The following ZNF221 variants were observed in gnomAD, a reference collection of about 807,000 sequenced individuals.
The protein encoded by ZNF221 is zinc finger protein 221.
Under a neutral mutation model 12.6 loss-of-function variants are expected in ZNF221, and 10 were observed. That is an observed-to-expected ratio of 0.79 (90% CI 0.49 to 1.34). ZNF221 has a LOEUF of 1.34. Among genes scored for constraint, ZNF221 ranks in the 40% most tolerant of loss-of-function variants. The pLI is 0.00. For synonymous variants in ZNF221, 232 were observed against 244.0 expected (o/e 0.95, Z 0.46); for missense variants, 661 against 721.4 (o/e 0.92, Z 0.96).
In ZNF221 at chr19:43,951,360, C is replaced by T. The variant is rs573664518; in HGVS notation, c.-43C>T. 3 of 152,354 alleles carry T rather than the reference C, an allele frequency of 2.0e-5. No homozygotes were observed. Among genetic ancestry groups the T allele is most frequent in the African/African-American group, 7.2e-5 (3 of 41,518 alleles). The allele number at this position is 152,354 out of a possible 1,614,324, so 9.4% of individuals were successfully genotyped here. A position where few individuals can be genotyped will look rare whatever the true frequency, so the allele number is the denominator to read the frequency against. The stretch of plus-strand genomic sequence containing the variant: ...ACTCTCGGAACCCTCAACGAGCTAG[C>T]GATAGATTTAGAGGAAAGGAAGCAC... On this transcript the variant is annotated 5_prime_UTR_variant, in exon 1 of 5. Transcript: ENST00000587682.
chr19:43,964,542 G>A (rs1378407417), intron 2 of ZNF221, among the ~76,000 whole-genome samples: 1 of 152,200 alleles, frequency 6.6e-6, no homozygotes, highest in Non-Finnish European at 1.5e-5. Context: ...GTTTGAGTAT[G>A]AAAGGAAGAC....
At chr19:43,965,367 CATCT>C in intron 4 of ZNF221, 42 bp downstream of exon 4, 2 of 1,540,092 alleles carry the variant, frequency 1.3e-6, no homozygotes, top group Non-Finnish European at 1.8e-6. Context: ...ATGACTCTTC[CATCT>C]GTTTTACTTC....
intron 2 of ZNF221, 86 bp from the exon 3 acceptor site, chr19:43,964,864 A>G: frequency 6.4e-7 from 1 of 1,565,934 alleles, no homozygotes; most frequent in Non-Finnish European, 8.8e-7. Flanking sequence ...AACTTACCAC[A>G]CCTGTCCCCT....
intron 1 of ZNF221, 132 bp downstream of exon 1, chr19:43,951,532 C>G (rs1974669980): frequency 6.6e-6 from 1 of 152,308 alleles, no homozygotes; most frequent in Non-Finnish European, 1.5e-5. Flanking sequence ...GGGCTCTCAG[C>G]TCGCCCAATC....
At position 43,959,464 on chromosome 19, in the gene ZNF221, C is replaced by CA. The variant is rs1331504422; in HGVS notation, c.-2-3260dup. On this transcript the variant is annotated intron_variant, in intron 1 of 4. Transcript: ENST00000587682. The stretch of plus-strand genomic sequence containing the variant: ...TGGATGTTTGGTCCCTCCATATCTC[C>CA]AGTGTTGGAGGTGGGGCCTAGTGGG... Among the ~76,000 whole-genome samples the CA allele has an allele frequency of 2.0e-5, 3 of 152,200 alleles. No homozygotes were observed. In the East Asian group the frequency reaches 5.8e-4, roughly 29 times the overall value.
rs1974972249 is a variant in ZNF221 at position 43,966,771 on chromosome 19, A to G, written c.1269A>G (p.Lys423=). The G allele has an allele frequency of 6.2e-7, 1 of 1,614,054 alleles. No individual in the cohort carries two copies. Among genetic ancestry groups the G allele is most frequent in the Non-Finnish European group, 8.5e-7 (1 of 1,180,030 alleles). Residue 423 remains lysine, a synonymous_variant, in exon 5 of 5, where the codon AAA becomes AAG. Transcript: ENST00000587682. The stretch of plus-strand genomic sequence containing the variant: ...TCCACAGTGGACAAAAATCCTTCAA[A>G]TGTGAAGAATGTGGGAAGGGATTTT... ...QQVHSGQKSF[K]CEECGKGFYT...
At chr19:43,962,841 TC>T in intron 2 of ZNF221, 34 bp downstream of exon 2, 5 of 1,579,520 alleles carry the variant, frequency 3.2e-6, no homozygotes, top group Non-Finnish European at 4.3e-6. Context: ...CTGTTAAAAT[TC>T]CATCTTACTA....
chr19:43,963,726 G>A (rs1342199394), intron 2 of ZNF221, among the ~76,000 whole-genome samples: 1 of 152,188 alleles, frequency 6.6e-6, no homozygotes, highest in Non-Finnish European at 1.5e-5. Context: ...AATCTGCTCA[G>A]ATTCACATAG....
At chr19:43,981,125 G>GT in the ZNF221 span, among the ~76,000 whole-genome samples, 1 of 151,742 alleles carries the variant, frequency 6.6e-6, no homozygotes. Flanking sequence ...ATAAAAATGG[G>GT]TAATAGATTT....
At chr19:43,973,351 A>AT in the ZNF221 span, among the ~76,000 whole-genome samples, 1 of 152,112 alleles carries the variant, frequency 6.6e-6, no homozygotes, top group South Asian at 2.1e-4. Context: ...GACAAGGACC[A>AT]GCCCCCCGCC....
chr19:43,979,759 C>T, the ZNF221 span, among the ~76,000 whole-genome samples: 1 of 152,034 alleles, frequency 6.6e-6, no homozygotes, highest in Non-Finnish European at 1.5e-5. Context: ...CAACGCTGAC[C>T]AAAAGATATT....
chr19:43,957,470 G>T (rs558067695), intron 1 of ZNF221, among the ~76,000 whole-genome samples: 1 of 152,138 alleles, frequency 6.6e-6, no homozygotes, highest in Admixed American at 6.5e-5. Flanking sequence ...ACCATAACCC[G>T]CCTGGAGAAA....
At chr19:43,975,879 T>A in the ZNF221 span, among the ~76,000 whole-genome samples, 2 of 152,170 alleles carry the variant, frequency 1.3e-5, no homozygotes, top group Non-Finnish European at 2.9e-5. Context: ...AGTCGGATTC[T>A]TATTATTTGG....
the ZNF221 span, among the ~76,000 whole-genome samples, chr19:43,981,472 G>A: frequency 1.1e-4 from 16 of 152,116 alleles, no homozygotes; most frequent in African/African-American, 3.6e-4. Flanking sequence ...ATATACAAAT[G>A]TACAAGTGTA....
At chr19:43,958,629 A>T (rs534079590) in intron 1 of ZNF221, among the ~76,000 whole-genome samples, 23 of 152,346 alleles carry the variant, frequency 1.5e-4, no homozygotes, top group Non-Finnish European at 2.9e-4. Flanking sequence ...CACGGACTTC[A>T]AAAGATTGGA....
rs1343008840 is a variant in ZNF221, at chr19:43,966,869, G to A, written c.1367G>A (p.Gly456Asp). The A allele has an allele frequency of 1.2e-6, 2 of 1,614,218 alleles. No homozygotes were observed. The highest frequency in any genetic ancestry group is 1.7e-6 in the Non-Finnish European group (2 of 1,180,028). Reference protein sequence around the residue: ...GEKPYNCEECGKDYKRRLDLE... With the variant: ...GEKPYNCEECDKDYKRRLDLE... ...AAGCCATATAACTGTGAGGAGTGTG[G>A]TAAGGACTATAAAAGGAGGTTGGAT... The change falls in exon 5 of 5, where the codon GGT becomes GAT. Residue 456 changes from glycine (G) to aspartate (D), a missense_variant. Physicochemically the swap from Gly to Asp is moderately conservative, Grantham distance 94. Coordinates refer to ENST00000587682, the MANE Select transcript of ZNF221 (RefSeq NM_001297588.2).
At chr19:43,958,987 T>C (rs1230295302) in intron 1 of ZNF221, among the ~76,000 whole-genome samples, 2 of 10,092 alleles carry the variant, frequency 2.0e-4, no homozygotes, top group African/African-American at 2.5e-4. Flanking sequence ...GGGTTTTTGG[T>C]TGTTTTTTTT....
At chr19:43,958,343 G>A (rs1173351303) in intron 1 of ZNF221, among the ~76,000 whole-genome samples, 1 of 152,186 alleles carries the variant, frequency 6.6e-6, no homozygotes, top group East Asian at 1.9e-4. Flanking sequence ...AGCATATTCA[G>A]CAGATGAATA....
the ZNF221 span, among the ~76,000 whole-genome samples, chr19:43,975,609 T>C: frequency 6.6e-6 from 1 of 152,176 alleles, no homozygotes; most frequent in Non-Finnish European, 1.5e-5. Context: ...AGGTGATAGA[T>C]TGATCTGTGC....
Sources: allele counts gnomAD v4.1 joint callset (sites outside exome capture counted in the v4.1 genomes callset), GRCh38; gene constraint gnomAD v4.1.1; transcripts MANE v1.5; gene names NCBI Gene and HGNC (gene_info 2026-07-23, HGNC 2026-07-21).